STS: variants seen among roughly 807,000 people sequenced by gnomAD.
The protein encoded by STS is steroid sulfatase, also known as steryl-sulfatase.
In STS, 7 loss-of-function variants were observed where a neutral mutation model predicts 26.8. The ratio of observed to expected loss-of-function variants is 0.26; its 90% CI spans 0.15 to 0.49. The LOEUF is 0.49. Among genes scored for constraint, STS ranks in the 20% least tolerant of loss-of-function variants. The probability of loss-of-function intolerance (pLI) is 0.98; values close to 1 mark genes in which losing one functional copy is unlikely to be tolerated. For synonymous variants in STS, 199 were observed against 189.4 expected (o/e 1.05, Z -0.42); for missense variants, 434 against 465.6 (o/e 0.93, Z 0.63).
chrX:7,341,047 G>A (rs1464958319), intron 10 of STS, among the ~76,000 whole-genome samples: 1 of 110,815 alleles, frequency 9.0e-6, no homozygotes, highest in South Asian at 3.9e-4. Context: ...GGAGGCTGGC[G>A]GATCAGCTAG....
chrX:7,350,288 T>G lies in STS; in HGVS notation c.*27T>G, dbSNP rs772902556. On this transcript the variant is annotated 3_prime_UTR_variant, in exon 11 of 11. Coordinates refer to ENST00000674429, the MANE Select transcript of STS (RefSeq NM_001320752.2). ...AGCGCCTGGGGACCAGACAGACGCATGTGGCAAAGCTCACCATCTTCACTA... is the reference window on the plus strand; with the variant it reads ...AGCGCCTGGGGACCAGACAGACGCAGGTGGCAAAGCTCACCATCTTCACTA... 8.4e-7 allele frequency: 1 copy of G among 1,195,925 alleles called. No homozygotes were observed. The highest frequency in any genetic ancestry group is 1.1e-6 in the Non-Finnish European group (1 of 889,082).
At chrX:7,233,155 G>A (rs1338850574) in intron 2 of STS, among the ~76,000 whole-genome samples, 10 of 97,107 alleles carry the variant, frequency 1.0e-4, no homozygotes, top group Middle Eastern at 5.3e-3. Flanking sequence ...GTGTAATGGC[G>A]CGATCTTGGC....
At chrX:7,215,529 C>T (rs1485702139) in intron 2 of STS, among the ~76,000 whole-genome samples, 1 of 110,874 alleles carries the variant, frequency 9.0e-6, no homozygotes, top group Non-Finnish European at 1.9e-5. Flanking sequence ...TGGAGACTGG[C>T]CTGGATTGGA....
chrX:7,279,279 G>GAA lies in STS; in HGVS notation c.943+3205_943+3206dup, dbSNP rs1224859237. Among the ~76,000 whole-genome samples the GAA allele has an allele frequency of 2.2e-3, 105 of 47,203 alleles. 1 individual carries two copies. Among genetic ancestry groups the GAA allele is most frequent in the Middle Eastern group, 0.016 (1 of 64 alleles). 41.0% of individuals were successfully genotyped at this position (47,203 alleles called of 115,157 possible). A position where few individuals can be genotyped will look rare whatever the true frequency, so the allele number is the denominator to read the frequency against. ...AGATCGCACCACTGTACTCCAGGAAGAAAAAAAAAAAAAATATATATATAT... is the reference window on the plus strand; with the variant it reads ...AGATCGCACCACTGTACTCCAGGAAGAAAAAAAAAAAAAAAATATATATATAT... On this transcript the variant is annotated intron_variant, in intron 7 of 10. Coordinates refer to ENST00000674429, the MANE Select transcript of STS (RefSeq NM_001320752.2).
At chrX:7,332,681 C>T (rs1467917751) in intron 9 of STS, among the ~76,000 whole-genome samples, 1 of 111,048 alleles carries the variant, frequency 9.0e-6, no homozygotes, top group Non-Finnish European at 1.9e-5. Context: ...TTTGGGATCT[C>T]ATAAAGGCCT....
intron 2 of STS, among the ~76,000 whole-genome samples, chrX:7,204,267 T>G (rs893092282): frequency 8.9e-6 from 1 of 111,925 alleles, no homozygotes; most frequent in African/African-American, 3.3e-5. Context: ...CTAACCCAAG[T>G]GTTGGCATGC....
At chrX:7,204,523 C>A (rs759890263) in intron 2 of STS, among the ~76,000 whole-genome samples, 2 of 79,751 alleles carry the variant, frequency 2.5e-5, no homozygotes, top group African/African-American at 9.1e-5. Context: ...CTCCCTTCCT[C>A]CCTCCCTCCC....
chrX:7,212,480 A>G (rs780902506), intron 2 of STS, among the ~76,000 whole-genome samples: 22 of 111,347 alleles, frequency 2.0e-4, no homozygotes, highest in Admixed American at 7.6e-4. Context: ...TCAAAAAAGA[A>G]AAAAGAGAAA....
At chrX:7,156,354 G>A (rs1306588031) in intron 1 of STS, among the ~76,000 whole-genome samples, 2 of 110,358 alleles carry the variant, frequency 1.8e-5, no homozygotes, top group Non-Finnish European at 3.8e-5. Context: ...TATAATATAT[G>A]TGTGTATATA....
chrX:7,335,732 A>G (rs1927986952), intron 10 of STS, among the ~76,000 whole-genome samples: 2 of 111,856 alleles, frequency 1.8e-5, no homozygotes, highest in African/African-American at 6.5e-5. Context: ...TAGGGTTTTT[A>G]TGGTTTTAGG....
chrX:7,169,630 CTTAGTT>C (rs1933424132), intron 1 of STS, among the ~76,000 whole-genome samples: 1 of 111,941 alleles, frequency 8.9e-6, no homozygotes, highest in East Asian at 2.8e-4. Context: ...TTTACTATCT[CTTAGTT>C]TTAAAGTCCT....
chrX:7,297,307 A>G (rs1925713815), intron 7 of STS, among the ~76,000 whole-genome samples: 1 of 108,231 alleles, frequency 9.2e-6, no homozygotes, highest in South Asian at 4.2e-4. Context: ...AGGTTTACTG[A>G]ATCAGAACCT....
intron 8 of STS, among the ~76,000 whole-genome samples, chrX:7,308,643 T>C (rs1355473769): frequency 2.7e-5 from 3 of 112,069 alleles, no homozygotes; most frequent in African/African-American, 9.7e-5. Context: ...TTTGATGTAT[T>C]AGAAATGTTT....
intron 2 of STS, among the ~76,000 whole-genome samples, chrX:7,197,055 C>G (rs1457887570): frequency 1.8e-5 from 2 of 110,704 alleles, no homozygotes; most frequent in Non-Finnish European, 3.8e-5. Context: ...TTCTTTTACC[C>G]CATCAGGCAA....
chrX:7,321,541 A>G (rs1927032981), intron 8 of STS, among the ~76,000 whole-genome samples: 1 of 112,326 alleles, frequency 8.9e-6, no homozygotes, highest in South Asian at 3.7e-4. Flanking sequence ...GGTTAGAAAA[A>G]CAAAGAGAAA....
At chrX:7,318,600 T>C (rs1333606240) in intron 8 of STS, among the ~76,000 whole-genome samples, 1 of 111,903 alleles carries the variant, frequency 8.9e-6, no homozygotes, top group Non-Finnish European at 1.9e-5. Flanking sequence ...CTTTAGGACC[T>C]GAATATAGAC....
intron 10 of STS, among the ~76,000 whole-genome samples, chrX:7,334,896 A>G (rs757329396): frequency 1.8e-5 from 2 of 112,378 alleles, no homozygotes; most frequent in Admixed American, 9.4e-5. Flanking sequence ...GGCATTTCCA[A>G]TTAGCATACA....
At position 7,152,242 on chromosome X, in the gene STS, A is replaced by G. The variant is rs187097130; in HGVS notation, c.-134+4159A>G. Among the ~76,000 whole-genome samples, 988 of 111,734 alleles carry G rather than the reference A, an allele frequency of 8.8e-3. 11 individuals are homozygous for G. Among genetic ancestry groups the G allele is most frequent in the East Asian group, 0.065 (226 of 3,503 alleles). On this transcript the variant is annotated intron_variant, in intron 1 of 10. Transcript: ENST00000674429. ...GCTGGGATTACAGGCGTGAGCCACC[A>G]CGCCCGGCCAGGATTATTATTTTAA...
chrX:7,149,947 A>G (rs1932977550), intron 1 of STS, among the ~76,000 whole-genome samples: 1 of 112,149 alleles, frequency 8.9e-6, no homozygotes, highest in South Asian at 3.7e-4. Flanking sequence ...GTTTCCAAAT[A>G]AGGTCACATT....
Sources: gnomAD v4.1 joint callset for allele counts (sites outside exome capture counted in the v4.1 genomes callset) on GRCh38, gnomAD v4.1.1 for gene constraint, MANE v1.5 for transcripts, NCBI Gene and HGNC (gene_info 2026-07-23, HGNC 2026-07-21) for gene names.